POTEC: variants seen among roughly 807,000 people sequenced by gnomAD.
POTEC encodes the protein ANKRD26-like family B member 2.
POTEC carries 35 observed loss-of-function variants against 62.0 expected under a neutral mutation model. The ratio of observed to expected loss-of-function variants is 0.56; its 90% CI spans 0.43 to 0.75. POTEC has a LOEUF of 0.75. POTEC is among the 30% of genes least tolerant of loss of function. The pLI, the probability that POTEC is intolerant of heterozygous loss-of-function variation, is 0.00. For missense variants in POTEC, 472 were observed against 655.9 expected, an observed-to-expected ratio of 0.72 and a Z score of 3.06; for synonymous variants, 156 against 221.5, an observed-to-expected ratio of 0.70 and a Z score of 2.62.
chr18:14,513,944 T>A (rs1441328853), intron 9 of POTEC, among the ~76,000 whole-genome samples, 159 bp from the exon 10 acceptor site: 1 of 152,192 alleles, frequency 6.6e-6, no homozygotes, highest in African/African-American at 2.4e-5. Flanking sequence ...GCTCTCCCAG[T>A]CATGTTGGCA....
At chr18:14,513,963 T>C (rs1910083586) in intron 9 of POTEC, among the ~76,000 whole-genome samples, 178 bp from the exon 10 acceptor site, 1 of 152,128 alleles carries the variant, frequency 6.6e-6, no homozygotes, top group South Asian at 2.1e-4. Context: ...CACCAGGGAC[T>C]AGTTTTGTGG....
chr18:14,535,964 A>T (rs939578518), intron 3 of POTEC, among the ~76,000 whole-genome samples: 1 of 152,004 alleles, frequency 6.6e-6, no homozygotes. Flanking sequence ...TAATGTCCCA[A>T]CGACAGAGAT....
Position 14,533,157 on chromosome 18 carries a change from A to G in POTEC, c.959T>C (p.Ile320Thr). ...ILAVCCGSAS[I>T]VNLLLEQNVD... is the part of the protein sequence containing the mutation. ...ATTTTGCTCAAGGAGAAGATTGACT[A>G]TACTTGCTGATCCACAACATACAGC... Residue 320 changes from isoleucine to threonine, a missense_variant, in exon 5 of 11, where the codon ATA becomes ACA. Ile to Thr is a moderately conservative substitution (Grantham distance 89). Coordinates refer to ENST00000358970, the MANE Select transcript of POTEC (RefSeq NM_001137671.2). 6.2e-7 allele frequency: 1 copy of G among 1,611,502 alleles called. No individual in the cohort carries two copies. The highest frequency in any genetic ancestry group is 8.5e-7 in the Non-Finnish European group (1 of 1,179,546).
At chr18:14,523,882 T>A (rs1395381234) in intron 7 of POTEC, among the ~76,000 whole-genome samples, 5 of 152,148 alleles carry the variant, frequency 3.3e-5, no homozygotes, top group African/African-American at 1.2e-4. Flanking sequence ...TGATTTGTAG[T>A]GTTCCAAAGG....
intron 6 of POTEC, among the ~76,000 whole-genome samples, 158 bp from the exon 7 acceptor site, chr18:14,525,141 A>T (rs1447399041): frequency 1.3e-5 from 2 of 152,024 alleles, no homozygotes; most frequent in Non-Finnish European, 2.9e-5. Flanking sequence ...AATTCTCCAA[A>T]ACTTCAACAA....
At chr18:14,513,921 A>T (rs1910082298) in intron 9 of POTEC, 136 bp from the exon 10 acceptor site, 1 of 1,515,522 alleles carries the variant, frequency 6.6e-7, no homozygotes, top group Admixed American at 2.2e-5. Context: ...GGGGTCTCAC[A>T]TCTGTTAACC....
At chr18:14,525,069 G>T in intron 6 of POTEC, 86 bp from the exon 7 acceptor site, 1 of 1,538,998 alleles carries the variant, frequency 6.5e-7, no homozygotes, top group Non-Finnish European at 8.8e-7. Context: ...ATTGAAGACA[G>T]CATTTTATTT....
chr18:14,538,642 CAAAT>C (rs1261025187), intron 1 of POTEC, among the ~76,000 whole-genome samples: 2 of 151,752 alleles, frequency 1.3e-5, no homozygotes, highest in Non-Finnish European at 2.9e-5. Flanking sequence ...GTTCCTAACA[CAAAT>C]AACAGCTCAA....
At chr18:14,536,129 T>C (rs1390203321) in intron 3 of POTEC, among the ~76,000 whole-genome samples, 1 of 150,910 alleles carries the variant, frequency 6.6e-6, no homozygotes, top group Non-Finnish European at 1.5e-5. Flanking sequence ...CAAAAACAGA[T>C]TGGAGGACCA....
Position 14,542,903 on chromosome 18 carries a change from T to C in POTEC, c.244A>G (p.Thr82Ala), listed in dbSNP as rs1905998905. The change falls in exon 1 of 11, where the codon ACT (threonine) becomes GCT (alanine). Residue 82 changes from threonine to alanine, a missense_variant. Thr to Ala is a moderately conservative substitution (Grantham distance 58, BLOSUM62 0). Transcript: ENST00000358970. ...CRGSGTSNVGTSGDHDNSFMK... is the reference protein window; with the variant it reads ...CRGSGTSNVGASGDHDNSFMK... ...AAGGAGTTGTCATGGTCTCCAGAAG[T>C]GCCCACGTTGCTCGTGCCGCTCCCC... 3 of 1,263,426 alleles carry C rather than the reference T, an allele frequency of 2.4e-6. No individual in the cohort carries two copies. The highest frequency in any genetic ancestry group is 2.0e-4 in the Middle Eastern group (1 of 4,980). The allele number at this position is 1,263,426 out of a possible 1,614,324, so 78.3% of individuals were successfully genotyped here.
At chr18:14,519,176 T>G (rs567789820) in intron 9 of POTEC, among the ~76,000 whole-genome samples, 1 of 152,222 alleles carries the variant, frequency 6.6e-6, no homozygotes, top group East Asian at 1.9e-4. Flanking sequence ...GAGTCAAGAA[T>G]GACACCAAGA....
chr18:14,523,347 T>C (rs1353245939), intron 8 of POTEC, 116 bp downstream of exon 8: 1 of 1,225,038 alleles, frequency 8.2e-7, no homozygotes, highest in Non-Finnish European at 1.1e-6. Flanking sequence ...AATTTTTCAC[T>C]GGTGATTTAT....
chr18:14,543,537 AACGC>A lies in POTEC; in HGVS notation c.-395_-392del. On this transcript the variant is annotated 5_prime_UTR_variant, in exon 1 of 11. Transcript: ENST00000358970. ...GCGACTAACGCCAAGCCAAGCTAGG[AACGC>A]AAGGCCAAGCGAGGAACGCAAAGCG... The A allele has an allele frequency of 2.8e-6, 1 of 363,020 alleles. No homozygotes were observed. The highest frequency in any genetic ancestry group is 5.0e-6 in the Non-Finnish European group (1 of 198,536). 22.5% of individuals were successfully genotyped at this position (363,020 alleles called of 1,614,324 possible). A position where few individuals can be genotyped will look rare whatever the true frequency, so the allele number is the denominator to read the frequency against.
rs745897622 is a variant in POTEC, at chr18:14,542,919, G to A, written c.228C>T (p.Gly76=). 2.0e-6 allele frequency: 3 copies of A among 1,525,326 alleles called. No homozygotes were observed. Among genetic ancestry groups the A allele is most frequent in the Admixed American group, 3.9e-5 (2 of 51,592 alleles). The allele number at this position is 1,525,326 out of a possible 1,614,324, so 94.5% of individuals were successfully genotyped here. ...HHCFPCCRGS[G]TSNVGTSGDH... is the part of the protein sequence containing the mutation. ...CTCCAGAAGTGCCCACGTTGCTCGT[G>A]CCGCTCCCCCTGCAGCAGGGGAAGC... The change falls in exon 1 of 11, where the codon GGC becomes GGT. Residue 76 remains glycine, a synonymous_variant. Transcript: ENST00000358970.
chr18:14,518,140 A>G (rs1246736956), intron 9 of POTEC, among the ~76,000 whole-genome samples: 1 of 152,112 alleles, frequency 6.6e-6, no homozygotes, highest in Non-Finnish European at 1.5e-5. Context: ...AACTCCATTC[A>G]CTCATTTAAT....
At chr18:14,533,785 A>C (rs1444233875) in intron 4 of POTEC, among the ~76,000 whole-genome samples, 1 of 152,144 alleles carries the variant, frequency 6.6e-6, no homozygotes, top group African/African-American at 2.4e-5. Flanking sequence ...GGTGGTAAAT[A>C]ACGTTCCCAA....
Position 14,509,832 on chromosome 18 carries a change from A to G in POTEC, c.*2066T>C, listed in dbSNP as rs1377793858. 6.9e-6 allele frequency: 1 copy of G among 144,018 alleles called. No homozygotes were observed. Among genetic ancestry groups the G allele is most frequent in the Admixed American group, 6.9e-5 (1 of 14,544 alleles). The allele number at this position is 144,018 out of a possible 1,614,324, so 8.9% of individuals were successfully genotyped here. Reference sequence around the variant, plus strand: ...CAAAAGTGAATCCTCAGCACAGCACAACTGCTCTACACAAACGTGGCCAGA... The same window carrying G: ...CAAAAGTGAATCCTCAGCACAGCACGACTGCTCTACACAAACGTGGCCAGA... On this transcript the variant is annotated 3_prime_UTR_variant, in exon 11 of 11. Transcript: ENST00000358970.
At chr18:14,515,409 G>T (rs1433149804) in intron 9 of POTEC, among the ~76,000 whole-genome samples, 10 of 151,998 alleles carry the variant, frequency 6.6e-5, no homozygotes, top group Admixed American at 5.9e-4. Flanking sequence ...ACAACCAAAT[G>T]ATCTCTGAGA....
chr18:14,518,951 T>C (rs905993573), intron 9 of POTEC, among the ~76,000 whole-genome samples: 5 of 152,206 alleles, frequency 3.3e-5, no homozygotes, highest in Non-Finnish European at 7.3e-5. Flanking sequence ...ATTTGACTTA[T>C]GTTTTAAATA....
Sources: allele counts gnomAD v4.1 joint callset (sites outside exome capture counted in the v4.1 genomes callset), GRCh38; gene constraint gnomAD v4.1.1; transcripts MANE v1.5; gene names NCBI Gene and HGNC (gene_info 2026-07-23, HGNC 2026-07-21).